SAMMSON: variants seen among roughly 807,000 people sequenced by gnomAD.
SAMMSON encodes the protein long intergenic non-protein coding RNA 1212.
chr3:70,115,225 AAG>A (rs1553715793), intron 4 of SAMMSON, among the ~76,000 whole-genome samples: 2,226 of 148,908 alleles, frequency 0.015, 37 homozygotes, highest in African/African-American at 0.051. Flanking sequence ...AAAAAAAAAA[AAG>A]AAAGAAAGAA....
At chr3:70,238,195 C>T (rs914699558) in intron 4 of SAMMSON, among the ~76,000 whole-genome samples, 1 of 151,706 alleles carries the variant, frequency 6.6e-6, no homozygotes, top group African/African-American at 2.4e-5. Context: ...AGCACCAATC[C>T]AGGCGTTCCC....
intron 9 of SAMMSON, chr3:70,389,526 C>A (rs1701025028): frequency 6.6e-6 from 1 of 152,050 alleles, no homozygotes; most frequent in African/African-American, 2.4e-5. Flanking sequence ...ATGCTCTAGT[C>A]TGTAAAGATG....
At chr3:70,177,762 GA>G (rs1287307939) in intron 4 of SAMMSON, among the ~76,000 whole-genome samples, 1 of 152,132 alleles carries the variant, frequency 6.6e-6, no homozygotes, top group African/African-American at 2.4e-5. Context: ...TTGCACCACT[GA>G]AAAGGGTAAA....
chr3:70,216,345 T>C (rs1701412466), intron 4 of SAMMSON, among the ~76,000 whole-genome samples: 1 of 151,200 alleles, frequency 6.6e-6, no homozygotes, highest in South Asian at 2.1e-4. Context: ...AAACTTGTAG[T>C]GCTTCCTAGA....
chr3:70,399,894 A>T (rs896604185), intron 2 of SAMMSON, among the ~76,000 whole-genome samples: 1 of 151,736 alleles, frequency 6.6e-6, no homozygotes, highest in African/African-American at 2.4e-5. Context: ...AACCCACCAA[A>T]CCAAAACAAC....
At chr3:70,182,669 G>GCTCAATTTGA (rs1161508826) in intron 4 of SAMMSON, among the ~76,000 whole-genome samples, 4 of 152,114 alleles carry the variant, frequency 2.6e-5, no homozygotes, top group African/African-American at 9.7e-5. Context: ...GCCCAATTTG[G>GCTCAATTTGA]CTCAATTTGA....
At chr3:70,173,898 A>T (rs904985467) in intron 4 of SAMMSON, among the ~76,000 whole-genome samples, 9 of 151,966 alleles carry the variant, frequency 5.9e-5, no homozygotes, top group Non-Finnish European at 1.3e-4. Context: ...TAATATAGAT[A>T]TACCAGAACA....
intron 7 of SAMMSON, among the ~76,000 whole-genome samples, chr3:70,311,365 A>G (rs1457687792): frequency 6.6e-6 from 1 of 152,206 alleles, no homozygotes; most frequent in Non-Finnish European, 1.5e-5. Context: ...TTAGGAGAAC[A>G]TATTGATTTG....
At chr3:70,421,081 A>G (rs1701308290) in intron 2 of SAMMSON, among the ~76,000 whole-genome samples, 1 of 152,108 alleles carries the variant, frequency 6.6e-6, no homozygotes, top group African/African-American at 2.4e-5. Context: ...CATCTCATTT[A>G]ATTTTTTCAG....
At chr3:70,428,970 A>G (rs73105778) in intron 2 of SAMMSON, among the ~76,000 whole-genome samples, 18,120 of 152,174 alleles carry the variant, frequency 0.12, 1,348 homozygotes, top group East Asian at 0.3. Context: ...ATAGAAACAT[A>G]TTAATTAAGT....
intron 4 of SAMMSON, among the ~76,000 whole-genome samples, chr3:70,207,902 TA>T (rs1430092494): frequency 6.6e-6 from 1 of 152,026 alleles, no homozygotes; most frequent in Non-Finnish European, 1.5e-5. Context: ...TCCTGCCATG[TA>T]ATGATTGGGA....
At chr3:70,096,963 G>A (rs993971398) in intron 4 of SAMMSON, among the ~76,000 whole-genome samples, 1 of 152,072 alleles carries the variant, frequency 6.6e-6, no homozygotes, top group Non-Finnish European at 1.5e-5. Context: ...ATACAAATAC[G>A]ACCTGTGATC....
intron 6 of SAMMSON, among the ~76,000 whole-genome samples, chr3:70,281,915 T>C (rs1702087264): frequency 6.6e-6 from 1 of 152,176 alleles, no homozygotes; most frequent in Non-Finnish European, 1.5e-5. Flanking sequence ...TTAAAAAGCA[T>C]CTTGGGTAAT....
intron 2 of SAMMSON, among the ~76,000 whole-genome samples, chr3:70,413,276 C>G (rs1302551769): frequency 6.6e-6 from 1 of 152,122 alleles, no homozygotes. Flanking sequence ...TCCTATATGT[C>G]AAGCTGAACT....
chr3:70,010,668 A>T (rs2066950276), intron 1 of SAMMSON, among the ~76,000 whole-genome samples: 1 of 147,276 alleles, frequency 6.8e-6, no homozygotes, highest in African/African-American at 2.6e-5. Flanking sequence ...CCATTGTATT[A>T]GTTAGTTCTT....
At chr3:70,025,222 TG>T (rs1436631999) in intron 3 of SAMMSON, 1 of 152,114 alleles carries the variant, frequency 6.6e-6, no homozygotes, top group Non-Finnish European at 1.5e-5. Context: ...AGTCTCCAGT[TG>T]TTTTATGTTT....
Position 70,430,102 on chromosome 3 carries a change from T to A in SAMMSON, n.234-32458T>A, listed in dbSNP as rs149542141. On this transcript the variant is annotated intron_variant and non_coding_transcript_variant, in intron 2 of 3. Transcript: ENST00000641053. ...CATTCAGTATGATATTGGATGTGGG[T>A]TTATCATAAATATCTCTTGTTATTT... is the stretch of plus-strand genomic sequence containing the variant. Among the ~76,000 whole-genome samples, 1,131 of 152,266 alleles carry A rather than the reference T, an allele frequency of 7.4e-3. 18 individuals are homozygous for A. Among genetic ancestry groups the A allele is most frequent in the African/African-American group, 0.025 (1,032 of 41,548 alleles).
chr3:70,375,772 G>A (rs1703009363), intron 9 of SAMMSON, among the ~76,000 whole-genome samples: 1 of 152,082 alleles, frequency 6.6e-6, no homozygotes, highest in African/African-American at 2.4e-5. Context: ...TTTCATCGCA[G>A]AGTGAGGCTC....
intron 7 of SAMMSON, among the ~76,000 whole-genome samples, chr3:70,314,598 GAA>G (rs1407858094): frequency 1.3e-5 from 2 of 152,086 alleles, no homozygotes; most frequent in Non-Finnish European, 2.9e-5. Flanking sequence ...ATCTAGATGA[GAA>G]AAGACAATTA....
Sources: allele counts gnomAD v4.1 joint callset (sites outside exome capture counted in the v4.1 genomes callset), GRCh38; gene constraint gnomAD v4.1.1; transcripts MANE v1.5; gene names NCBI Gene and HGNC (gene_info 2026-07-23, HGNC 2026-07-21).